The following PHF21B variants were observed in gnomAD, a reference collection of about 807,000 sequenced individuals.
PHF21B encodes PHD finger protein 21B.
In PHF21B, 22 loss-of-function variants were observed where a neutral mutation model predicts 62.2. The observed-to-expected ratio is 0.35, with a 90% CI of 0.25 to 0.51. The LOEUF (loss-of-function observed/expected upper bound fraction) is 0.51. PHF21B is among the 20% of genes least tolerant of loss of function. The probability of loss-of-function intolerance (pLI) is 0.97; values close to 1 mark genes in which losing one functional copy is unlikely to be tolerated. For synonymous variants in PHF21B, 341 were observed against 314.7 expected, an observed-to-expected ratio of 1.08 and a Z score of -0.88; for missense variants, 701 against 707.9, an observed-to-expected ratio of 0.99 and a Z score of 0.11.
intron 5 of PHF21B, among the ~76,000 whole-genome samples, chr22:44,909,717 C>T (rs1168993963): frequency 6.6e-6 from 1 of 152,344 alleles, no homozygotes; most frequent in Non-Finnish European, 1.5e-5. Flanking sequence ...GGAATCCTTT[C>T]CCACTCGTGT....
At chr22:44,983,109 C>A (rs1332142369) in intron 2 of PHF21B, among the ~76,000 whole-genome samples, 1 of 152,110 alleles carries the variant, frequency 6.6e-6, no homozygotes, top group African/African-American at 2.4e-5. Context: ...TGGCAGGCGC[C>A]TGTAATCCCA....
At chr22:44,976,521 C>T (rs1021713825) in intron 2 of PHF21B, among the ~76,000 whole-genome samples, 2 of 152,226 alleles carry the variant, frequency 1.3e-5, no homozygotes, top group African/African-American at 4.8e-5. Flanking sequence ...AGCAAAATTA[C>T]AATTCACATT....
chr22:44,927,375 G>A (rs1307124379), intron 2 of PHF21B, among the ~76,000 whole-genome samples: 3 of 152,198 alleles, frequency 2.0e-5, no homozygotes, highest in Non-Finnish European at 4.4e-5. Context: ...GTGCCCTCAA[G>A]TATCCAGCAC....
At position 44,977,132 on chromosome 22, in the gene PHF21B, A is replaced by C. The variant is rs1009529588; in HGVS notation, c.120+31413T>G. On this transcript the variant is annotated intron_variant, in intron 2 of 12. Coordinates refer to ENST00000313237, the MANE Select transcript of PHF21B (RefSeq NM_138415.5). Reference sequence around the variant, plus strand: ...GACACCCTGTCTCAAAAAGAAAAGAAAGAAAAAAACGAAGAAAGGAAAAAA... The same window carrying C: ...GACACCCTGTCTCAAAAAGAAAAGACAGAAAAAAACGAAGAAAGGAAAAAA... Among the ~76,000 whole-genome samples, 9 of 152,342 alleles carry C rather than the reference A, an allele frequency of 5.9e-5. 1 individual carries two copies.
chr22:44,968,139 T>C (rs752920857), intron 2 of PHF21B, among the ~76,000 whole-genome samples: 1 of 152,136 alleles, frequency 6.6e-6, no homozygotes, highest in African/African-American at 2.4e-5. Context: ...AGAAAGCCAC[T>C]GCGCCCAGCT....
At position 44,893,551 on chromosome 22, in the gene PHF21B, C is replaced by G. The variant is rs374045140; in HGVS notation, c.884-18G>C. On this transcript the variant is annotated intron_variant, in intron 6 of 12. Transcript: ENST00000313237. ...CTGGATTTCTGGAAAGGCACAGACACAGCAGTTACTGGGTCCTGCCTGCCC... is the reference window on the plus strand; with the variant it reads ...CTGGATTTCTGGAAAGGCACAGACAGAGCAGTTACTGGGTCCTGCCTGCCC... The G allele has an allele frequency of 1.9e-6, 3 of 1,586,768 alleles. No individual in the cohort carries two copies. The East Asian group carries it at 6.8e-5, about 36-fold the overall frequency.
intron 2 of PHF21B, among the ~76,000 whole-genome samples, chr22:44,930,612 A>T (rs2071722431): frequency 6.6e-6 from 1 of 152,142 alleles, no homozygotes; most frequent in African/African-American, 2.4e-5. Context: ...AGAGGCTCAG[A>T]GCACTGGAGG....
chr22:44,979,087 C>T (rs910368856), intron 2 of PHF21B, among the ~76,000 whole-genome samples: 2 of 152,258 alleles, frequency 1.3e-5, no homozygotes, highest in African/African-American at 4.8e-5. Flanking sequence ...CTCGCTGCCA[C>T]GTGGCTCAGG....
intron 2 of PHF21B, among the ~76,000 whole-genome samples, chr22:44,945,035 G>A (rs1026821889): frequency 2.3e-5 from 3 of 129,642 alleles, no homozygotes; most frequent in Non-Finnish European, 4.9e-5. Flanking sequence ...CCTCAAAGGT[G>A]CTTGCGACGG....
intron 2 of PHF21B, among the ~76,000 whole-genome samples, chr22:44,957,056 C>T (rs1374308554): frequency 1.3e-5 from 2 of 152,160 alleles, no homozygotes; most frequent in African/African-American, 2.4e-5. Flanking sequence ...ACTGCCCACA[C>T]GGCAGTCCAA....
At chr22:44,936,639 T>G (rs191237563) in intron 2 of PHF21B, among the ~76,000 whole-genome samples, 2,062 of 152,332 alleles carry the variant, frequency 0.014, 31 homozygotes, top group Middle Eastern at 0.068. Flanking sequence ...ATTTTAAAAA[T>G]GAAGTACATG....
In PHF21B at chr22:44,987,726, G is replaced by T. The variant is rs571141156; in HGVS notation, c.120+20819C>A. ...CTTGAGGGCAGGCATTGAGGTTTAC[G>T]GTTCTTAAATCCATGGAGCCCCCAA... On this transcript the variant is annotated intron_variant, in intron 2 of 12. Coordinates refer to ENST00000313237, the MANE Select transcript of PHF21B (RefSeq NM_138415.5). Among the ~76,000 whole-genome samples, 10 of 151,454 alleles carry T rather than the reference G, an allele frequency of 6.6e-5. No individual in the cohort carries two copies. In the South Asian group the frequency reaches 2.1e-3, roughly 32 times the overall value.
Position 44,916,591 on chromosome 22 carries a change from C to A in PHF21B, c.253G>T (p.Ala85Ser). 6.2e-7 allele frequency: 1 copy of A among 1,604,390 alleles called. No homozygotes were observed. Among genetic ancestry groups the A allele is most frequent in the African/African-American group, 1.3e-5 (1 of 75,032 alleles). The change falls in exon 4 of 13, where the codon GCC becomes TCC. Residue 85 changes from alanine (A) to serine (S), a missense_variant. Physicochemically the swap from Ala to Ser is moderately conservative, Grantham distance 99. Transcript: ENST00000313237. ...KTLIPDSLPV[A>S]PGRDRPPKQP... The stretch of plus-strand genomic sequence containing the variant: ...TTGGGTGGCCGGTCCCGGCCCGGGG[C>A]AACGGGGAGGCTGTCTGGAATCAGA...
At chr22:44,974,717 G>GC (rs2072705227) in intron 2 of PHF21B, among the ~76,000 whole-genome samples, 3 of 152,204 alleles carry the variant, frequency 2.0e-5, no homozygotes, top group Admixed American at 2.0e-4. Context: ...TCTTCAAACA[G>GC]CAGGTATCCC....
intron 2 of PHF21B, among the ~76,000 whole-genome samples, chr22:44,990,595 G>A (rs150903822): frequency 0.012 from 1,758 of 152,276 alleles, 17 homozygotes; most frequent in Non-Finnish European, 0.018. Context: ...AGTATATTGC[G>A]CGAAGTGAAA....
intron 2 of PHF21B, among the ~76,000 whole-genome samples, chr22:44,978,296 T>G (rs1242173376): frequency 1.3e-5 from 2 of 152,202 alleles, no homozygotes; most frequent in African/African-American, 2.4e-5. Context: ...GTCATCATTC[T>G]CCTTCAGTGT....
rs116159882 is a variant in PHF21B, at chr22:44,967,707, G to T, written c.120+40838C>A. Among the ~76,000 whole-genome samples, 569 of 152,290 alleles carry T rather than the reference G, an allele frequency of 3.7e-3. 5 individuals are homozygous for T. The highest frequency in any genetic ancestry group is 0.012 in the African/African-American group (511 of 41,560). On this transcript the variant is annotated intron_variant, in intron 2 of 12. Transcript: ENST00000313237. The stretch of plus-strand genomic sequence containing the variant: ...ATGTCATGCACACAGTTTGTTAACT[G>T]AAGTCCACACTGTGTTCAGGCTTCC...
intron 2 of PHF21B, among the ~76,000 whole-genome samples, chr22:44,998,850 T>C (rs993647725): frequency 7.9e-5 from 12 of 152,258 alleles, no homozygotes; most frequent in African/African-American, 2.9e-4. Context: ...GTGCGTACAA[T>C]GCTCGCCCCA....
chr22:45,009,596 C>G lies in PHF21B; in HGVS notation c.-47G>C, dbSNP rs375967953. 6.6e-7 allele frequency: 1 copy of G among 1,505,728 alleles called. No homozygotes were observed. The highest frequency in any genetic ancestry group is 1.4e-5 in the African/African-American group (1 of 69,518). 93.3% of individuals were successfully genotyped at this position (1,505,728 alleles called of 1,614,324 possible). A position where few individuals can be genotyped will look rare whatever the true frequency, so the allele number is the denominator to read the frequency against. ...TTGCGCTCACTTTGGCCCGGGCTCC[C>G]GGGAAGTTGCGCGGCTCCGCGGGGG... On this transcript the variant is annotated 5_prime_UTR_variant, in exon 1 of 13. Transcript: ENST00000313237. This position sits in a 1 kb window ranked among gnomAD's most constrained non-coding sequence, Gnocchi z 5.9.
Sources: gnomAD v4.1 joint callset for allele counts (sites outside exome capture counted in the v4.1 genomes callset) on GRCh38, gnomAD v4.1.1 for gene constraint, Gnocchi (gnomAD v3.1) non-coding constraint, MANE v1.5 for transcripts, NCBI Gene and HGNC (gene_info 2026-07-23, HGNC 2026-07-21) for gene names.